Variants in MCF2 observed in about 807,000 individuals in gnomAD.
MCF2 encodes proto-oncogene DBL.
Under a neutral mutation model 82.5 loss-of-function variants are expected in MCF2, and 44 were observed. The ratio of observed to expected loss-of-function variants is 0.53; its 90% CI spans 0.42 to 0.69. The LOEUF (loss-of-function observed/expected upper bound fraction) is 0.69, where lower values mean the gene tolerates loss of function less well. MCF2 is among the 30% of genes least tolerant of loss of function. The pLI is 0.00. For synonymous variants in MCF2, 217 were observed against 224.9 expected, an observed-to-expected ratio of 0.96 and a Z score of 0.32; for missense variants, 623 against 663.1, an observed-to-expected ratio of 0.94 and a Z score of 0.66.
chrX:139,619,610 C>A lies in MCF2; in HGVS notation c.784G>T (p.Glu262Ter), dbSNP rs1312363110. ...ACCTGAGAATTTTCATCTAAGTTTT[C>A]CAATTTTTTTATTTTTTGTTTTACT... The change falls in exon 7 of 25, where the codon GAA becomes TAA. Residue 262 changes from glutamate to a stop codon, truncating the protein, a stop_gained. Transcript: ENST00000370576. LOFTEE classifies it high-confidence loss of function. 5.2e-6 allele frequency: 6 copies of A among 1,154,749 alleles called. No homozygotes were observed. Among genetic ancestry groups the A allele is most frequent in the Non-Finnish European group, 5.9e-6 (5 of 852,088 alleles).
At chrX:139,618,809 A>G (rs953131916) in intron 7 of MCF2, among the ~76,000 whole-genome samples, 1 of 111,733 alleles carries the variant, frequency 8.9e-6, no homozygotes. Context: ...TATTAAAGCC[A>G]CTAGTCCAAA....
chrX:139,675,379 C>T (rs998969757), intron 1 of MCF2, among the ~76,000 whole-genome samples: 4 of 112,575 alleles, frequency 3.6e-5, no homozygotes, highest in Non-Finnish European at 5.6e-5. Flanking sequence ...GGAGAAAAGG[C>T]TCTCTGGTTT....
At chrX:139,658,594 G>T (rs1295564205) in intron 1 of MCF2, among the ~76,000 whole-genome samples, 3 of 107,971 alleles carry the variant, frequency 2.8e-5, no homozygotes, top group African/African-American at 1.0e-4. Context: ...TACATTATGA[G>T]TAGTTACAAA....
chrX:139,707,412 A>T (rs1239208660), intron 1 of MCF2, among the ~76,000 whole-genome samples: 1 of 111,047 alleles, frequency 9.0e-6, no homozygotes, highest in East Asian at 2.8e-4. Flanking sequence ...ACATCACCAT[A>T]TTCTTTTGGA....
chrX:139,612,652 G>A (rs1031343626), intron 10 of MCF2, among the ~76,000 whole-genome samples: 4 of 111,621 alleles, frequency 3.6e-5, no homozygotes, highest in Admixed American at 9.5e-5. Context: ...TTGGCTTAGC[G>A]ATTAAAAGTC....
chrX:139,602,901 T>C (rs1440016759), intron 15 of MCF2, among the ~76,000 whole-genome samples: 1 of 112,450 alleles, frequency 8.9e-6, no homozygotes, highest in Non-Finnish European at 1.9e-5. Flanking sequence ...GGTTCATCAC[T>C]GGGACTTTAT....
At chrX:139,586,336 G>T (rs1345166678) in intron 23 of MCF2, 42 bp downstream of exon 27, 3 of 966,560 alleles carry the variant, frequency 3.1e-6, no homozygotes, top group Non-Finnish European at 4.4e-6. Context: ...GTAAAAATTT[G>T]CACACCCATG....
At chrX:139,622,083 A>T (rs1335857382) in intron 6 of MCF2, among the ~76,000 whole-genome samples, 5 of 112,082 alleles carry the variant, frequency 4.5e-5, no homozygotes, top group African/African-American at 1.3e-4. Context: ...ATGAACAGAC[A>T]CTTCTCAAAA....
In MCF2 at chrX:139,594,777, G is replaced by C. The variant is rs1174578061; in HGVS notation, c.2277+1772C>G. On this transcript the variant is annotated intron_variant, in intron 19 of 24. Transcript: ENST00000370576. ...TGCACAGCAAAAGAAACTACCATCA[G>C]AGTGAACAGGCAACCTACAGAATGG... Among the ~76,000 whole-genome samples the C allele has an allele frequency of 8.2e-5, 9 of 110,011 alleles. No individual in the cohort carries two copies. The South Asian group carries it at 1.6e-3, about 19-fold the overall frequency.
At chrX:139,706,611 A>G (rs1483097872) in intron 1 of MCF2, among the ~76,000 whole-genome samples, 2 of 110,174 alleles carry the variant, frequency 1.8e-5, no homozygotes, top group Non-Finnish European at 3.8e-5. Context: ...ATTGGGTACT[A>G]TGCTCACTAC....
chrX:139,667,305 A>T (rs1934552857), intron 1 of MCF2, among the ~76,000 whole-genome samples: 1 of 108,555 alleles, frequency 9.2e-6, no homozygotes, highest in Admixed American at 1.0e-4. Flanking sequence ...ATAGGGTCTC[A>T]CTATGTTGCT....
At chrX:139,676,231 G>A (rs770254777) in intron 1 of MCF2, among the ~76,000 whole-genome samples, 7 of 112,000 alleles carry the variant, frequency 6.3e-5, no homozygotes, top group Non-Finnish European at 1.1e-4. Flanking sequence ...CGTCTATCAC[G>A]GCTTCCCTTG....
chrX:139,635,592 G>A (rs1569372989), intron 1 of MCF2, among the ~76,000 whole-genome samples: 3 of 110,979 alleles, frequency 2.7e-5, no homozygotes, highest in South Asian at 3.9e-4. Flanking sequence ...AGGAGGTGGA[G>A]GCTGTGGTGA....
intron 22 of MCF2, among the ~76,000 whole-genome samples, 163 bp downstream of exon 26, chrX:139,587,553 A>T (rs1403424604): frequency 8.9e-6 from 1 of 111,885 alleles, no homozygotes. Flanking sequence ...ATCAGCCTCC[A>T]GTATAAGGCT....
chrX:139,681,906 A>T (rs776186434), intron 1 of MCF2, among the ~76,000 whole-genome samples: 72 of 112,385 alleles, frequency 6.4e-4, no homozygotes, highest in Non-Finnish European at 1.1e-3. Flanking sequence ...CACATGGATG[A>T]CTTTCATTTA....
chrX:139,609,981 CA>C (rs1256527197), intron 11 of MCF2, among the ~76,000 whole-genome samples: 1 of 112,689 alleles, frequency 8.9e-6, no homozygotes, highest in African/African-American at 3.2e-5. Flanking sequence ...TTATTCTGCA[CA>C]AAGGTGCAAC....
intron 1 of MCF2, among the ~76,000 whole-genome samples, chrX:139,636,310 T>A (rs909990): frequency 0.53 from 58,324 of 110,283 alleles, 12,144 homozygotes; most frequent in Non-Finnish European, 0.67. Context: ...ATTATTATAC[T>A]CACCTGCCTT....
intron 1 of MCF2, among the ~76,000 whole-genome samples, chrX:139,671,032 G>A (rs1041805998): frequency 1.8e-5 from 2 of 111,882 alleles, no homozygotes; most frequent in South Asian, 7.6e-4. Flanking sequence ...GTATCTCATT[G>A]TGGTTTTGAT....
rs554691179 is a variant in MCF2 at position 139,697,826 on chromosome X, T to C, written c.-45+10280A>G. ...GGTAAATATGATTTCTGTTGTGCTT[T>C]AAAAGAAGTAGCCCCTTTAAAACTT... is the stretch of plus-strand genomic sequence containing the variant. On this transcript the variant is annotated intron_variant, in intron 1 of 27. Coordinates refer to the MCF2 transcript ENST00000414978. 2.7e-5 allele frequency among the ~76,000 whole-genome samples: 3 copies of C among 112,608 alleles called. No individual in the cohort carries two copies. In the South Asian group the frequency reaches 1.1e-3, roughly 41 times the overall value.
Sources: allele counts gnomAD v4.1 joint callset (sites outside exome capture counted in the v4.1 genomes callset), GRCh38; gene constraint gnomAD v4.1.1; transcripts MANE v1.5; gene names NCBI Gene and HGNC (gene_info 2026-07-23, HGNC 2026-07-21).